Variants in LCLAT1 observed in about 807,000 individuals in gnomAD.
LCLAT1 encodes lysocardiolipin acyltransferase 1, also known as 1-AGP acyltransferase 8.
In LCLAT1, 11 loss-of-function variants were observed where a neutral mutation model predicts 30.7. The ratio of observed to expected loss-of-function variants is 0.36; its 90% confidence interval spans 0.23 to 0.59. LCLAT1 has a LOEUF of 0.59. LCLAT1 is among the 20% of genes least tolerant of loss of function. LCLAT1 has a pLI of 0.77. For missense variants in LCLAT1, 402 were observed against 458.6 expected (o/e 0.88, Z 1.13); for synonymous variants, 155 against 151.3 (o/e 1.02, Z -0.18).
intron 5 of LCLAT1, among the ~76,000 whole-genome samples, chr2:30,621,401 G>A (rs544700599): frequency 2.0e-5 from 3 of 152,198 alleles, no homozygotes; most frequent in Non-Finnish European, 4.4e-5. Flanking sequence ...AGAGATTAGT[G>A]CCCTTACAAG....
At chr2:30,593,834 G>C (rs896203837) in intron 5 of LCLAT1, among the ~76,000 whole-genome samples, 5 of 150,694 alleles carry the variant, frequency 3.3e-5, no homozygotes. Flanking sequence ...GAAGCAGGAG[G>C]ATTGCTTGAG....
In LCLAT1 at chr2:30,533,163, T is replaced by G; in HGVS notation, c.213T>G (p.Asp71Glu). 6.2e-7 allele frequency: 1 copy of G among 1,614,068 alleles called. No homozygotes were observed. Among genetic ancestry groups the G allele is most frequent in the Non-Finnish European group, 8.5e-7 (1 of 1,179,924 alleles). Residue 71 changes from aspartate (D) to glutamate (E), a missense_variant, in exon 3 of 6, where the codon GAT (aspartate) becomes GAG (glutamate). Asp to Glu is a conservative substitution (Grantham distance 45, BLOSUM62 2). Transcript: ENST00000379509. ...GTGTAAAAGTGATTATAACTGGGGA[T>G]GCATTTGTTCCTGGAGAAAGAAGTG... ...MFGVKVIITG[D>E]AFVPGERSVI...
Position 30,642,315 on chromosome 2 carries a change from G to C in LCLAT1, c.*1696G>C, listed in dbSNP as rs1371276467. ...AAAGCTGTTTCTGATCCTGCTGGGA[G>C]CAACTAACTAGTTATTATGCACATC... On this transcript the variant is annotated 3_prime_UTR_variant, in exon 6 of 6. Coordinates refer to ENST00000379509, the MANE Select transcript of LCLAT1 (RefSeq NM_001002257.3). 1 of 151,914 alleles carries C rather than the reference G, an allele frequency of 6.6e-6. No homozygotes were observed. The highest frequency in any genetic ancestry group is 6.6e-5 in the Admixed American group (1 of 15,260). The allele number at this position is 151,914 out of a possible 1,614,324, so 9.4% of individuals were successfully genotyped here.
At chr2:30,587,766 CTTTTT>C (rs571381058) in intron 5 of LCLAT1, among the ~76,000 whole-genome samples, 1 of 147,956 alleles carries the variant, frequency 6.8e-6, no homozygotes, top group Admixed American at 6.8e-5. Context: ...TTTATGGTAC[CTTTTT>C]TTTTTAAGAG....
At chr2:30,450,319 T>A (rs1057094344) in intron 1 of LCLAT1, among the ~76,000 whole-genome samples, 2 of 152,116 alleles carry the variant, frequency 1.3e-5, no homozygotes, top group African/African-American at 4.8e-5. Context: ...AAGTGAGAGC[T>A]CATGGTGTCC....
At chr2:30,510,105 G>A (rs1007453645) in intron 1 of LCLAT1, among the ~76,000 whole-genome samples, 17 of 152,108 alleles carry the variant, frequency 1.1e-4, no homozygotes, top group Admixed American at 3.3e-4. Flanking sequence ...TCAGAATTTG[G>A]ACCGAATGCC....
intron 2 of LCLAT1, 147 bp downstream of exon 2, chr2:30,525,902 A>G: frequency 1.6e-6 from 1 of 637,640 alleles, no homozygotes; most frequent in Non-Finnish European, 2.7e-6. Flanking sequence ...TAATCTCTAG[A>G]TTGCTTATAA....
In LCLAT1 at chr2:30,601,367, A is replaced by G. The variant is rs556798013; in HGVS notation, c.628+33191A>G. 5.9e-5 allele frequency among the ~76,000 whole-genome samples: 9 copies of G among 152,302 alleles called. No homozygotes were observed. In the South Asian group the frequency reaches 1.9e-3, roughly 32 times the overall value. ...ATTCTAAATTTGAATACTGTATGTTATTACTTTTCTACATGCCAAGAGCTG... is the reference window on the plus strand; with the variant it reads ...ATTCTAAATTTGAATACTGTATGTTGTTACTTTTCTACATGCCAAGAGCTG... On this transcript the variant is annotated intron_variant, in intron 5 of 5. Coordinates refer to ENST00000379509, the MANE Select transcript of LCLAT1 (RefSeq NM_001002257.3).
chr2:30,599,537 T>C (rs891807559), intron 5 of LCLAT1, among the ~76,000 whole-genome samples: 8 of 152,210 alleles, frequency 5.3e-5, no homozygotes, highest in Non-Finnish European at 1.2e-4. Flanking sequence ...TAATTTTCTG[T>C]CTTGATCTGT....
At chr2:30,548,395 T>C (rs1482689997) in intron 3 of LCLAT1, among the ~76,000 whole-genome samples, 1 of 152,116 alleles carries the variant, frequency 6.6e-6, no homozygotes, top group African/African-American at 2.4e-5. Flanking sequence ...AAGAAATACA[T>C]TGGTTTGGTT....
chr2:30,507,150 C>G (rs1223432619), intron 1 of LCLAT1, among the ~76,000 whole-genome samples: 1 of 151,890 alleles, frequency 6.6e-6, no homozygotes, highest in Non-Finnish European at 1.5e-5. Context: ...TTGATTTTGT[C>G]ATTTGAATCA....
intron 1 of LCLAT1, among the ~76,000 whole-genome samples, chr2:30,462,065 C>T (rs1682175302): frequency 6.6e-6 from 1 of 152,170 alleles, no homozygotes; most frequent in Non-Finnish European, 1.5e-5. Context: ...AGCCACCGCG[C>T]CCGGCCTAAA....
intron 1 of LCLAT1, among the ~76,000 whole-genome samples, chr2:30,467,256 A>G (rs2148284711): frequency 6.6e-6 from 1 of 152,340 alleles, no homozygotes; most frequent in African/African-American, 2.4e-5. Flanking sequence ...ATGTCCCTAC[A>G]AAGGACATGA....
intron 5 of LCLAT1, among the ~76,000 whole-genome samples, chr2:30,594,660 A>C (rs753007339): frequency 5.9e-5 from 9 of 152,224 alleles, no homozygotes; most frequent in Admixed American, 2.0e-4. Context: ...TGGATTAACT[A>C]TTATGTGGGA....
chr2:30,505,332 T>G (rs1684605345), intron 1 of LCLAT1, among the ~76,000 whole-genome samples: 1 of 141,374 alleles, frequency 7.1e-6, no homozygotes, highest in Admixed American at 7.0e-5. Context: ...GCAAAACTTT[T>G]TTTTTTTTTT....
intron 3 of LCLAT1, among the ~76,000 whole-genome samples, chr2:30,547,333 A>G (rs1664470824): frequency 1.3e-5 from 2 of 152,224 alleles, no homozygotes; most frequent in South Asian, 2.1e-4. Context: ...AAATAATCAT[A>G]TAAAGCTTCA....
chr2:30,640,142 T>C lies in LCLAT1; in HGVS notation c.654T>C (p.Asp218=), dbSNP rs1441612105. 1.9e-6 allele frequency: 3 copies of C among 1,613,076 alleles called. No individual in the cohort carries two copies. The Admixed American group carries it at 5.0e-5, about 27-fold the overall frequency. Residue 218 remains aspartate, a synonymous_variant, in exon 6 of 6, where the codon GAT becomes GAC. Transcript: ENST00000379509. ...REGKNLDAVH[D]ITVAYPHNIP... ...GTAAGAACCTTGATGCTGTCCATGA[T>C]ATCACTGTGGCGTATCCTCACAACA...
chr2:30,517,730 A>G lies in LCLAT1; in HGVS notation c.-4-7857A>G, dbSNP rs184697045. 1.1e-4 allele frequency among the ~76,000 whole-genome samples: 16 copies of G among 152,348 alleles called. No individual in the cohort carries two copies. The East Asian group carries it at 3.1e-3, about 29-fold the overall frequency. ...AAAGAGAGGGGAAAAAGAGAGAAAG[A>G]GGTAGAGAAACAAAGGGAGTCAGAG... On this transcript the variant is annotated intron_variant, in intron 1 of 5. Transcript: ENST00000379509.
Position 30,461,169 on chromosome 2 carries a change from G to A in LCLAT1, c.-5+13786G>A, listed in dbSNP as rs146369236. On this transcript the variant is annotated intron_variant, in intron 1 of 5. Transcript: ENST00000379509. ...ATAGCATGGGGATAACTGAAGTGAG[G>A]GCAGTCTTGTTGGAAACCTTGCTCT... Among the ~76,000 whole-genome samples, 65 of 152,220 alleles carry A rather than the reference G, an allele frequency of 4.3e-4. No homozygotes were observed. In the East Asian group the frequency reaches 0.012, roughly 28 times the overall value.
Sources: gnomAD v4.1 joint callset for allele counts (sites outside exome capture counted in the v4.1 genomes callset) on GRCh38, gnomAD v4.1.1 for gene constraint, MANE v1.5 for transcripts, NCBI Gene and HGNC (gene_info 2026-07-23, HGNC 2026-07-21) for gene names.